TTC6: variants seen among roughly 807,000 people sequenced by gnomAD.
TTC6 encodes the protein tetratricopeptide repeat protein 6.
A neutral mutation model predicts 210.4 loss-of-function variants in TTC6; 172 were observed. The ratio of observed to expected loss-of-function variants is 0.82; its 90% CI spans 0.72 to 0.93. The LOEUF is 0.93. Ranked by LOEUF, TTC6 falls within the 40% of genes least tolerant of loss-of-function variation. The pLI is 0.00. For synonymous variants in TTC6, 804 were observed against 819.6 expected, an observed-to-expected ratio of 0.98 and a Z score of 0.32; for missense variants, 2,414 against 2,318.1, an observed-to-expected ratio of 1.04 and a Z score of -0.85.
intron 1 of TTC6, among the ~76,000 whole-genome samples, chr14:37,648,516 T>A (rs1176442506): frequency 6.6e-6 from 1 of 152,190 alleles, no homozygotes; most frequent in Non-Finnish European, 1.5e-5. Flanking sequence ...TCTTTTTTTT[T>A]CTTCTACTGC....
intron 1 of TTC6, among the ~76,000 whole-genome samples, chr14:37,661,657 T>C (rs892437318): frequency 1.6e-4 from 25 of 152,208 alleles, no homozygotes; most frequent in Middle Eastern, 3.2e-3. Context: ...ATATGGGCTC[T>C]TTTTTGGTTC....
chr14:37,679,882 G>A (rs1346577366), intron 1 of TTC6, among the ~76,000 whole-genome samples: 2 of 151,876 alleles, frequency 1.3e-5, no homozygotes, highest in African/African-American at 2.4e-5. Flanking sequence ...TAGAGTTGGG[G>A]TTTCACTATG....
At chr14:37,615,859 G>C (rs2139271086) in intron 2 of TTC6, among the ~76,000 whole-genome samples, 2 of 152,292 alleles carry the variant, frequency 1.3e-5, no homozygotes, top group South Asian at 4.1e-4. Context: ...CTCAACACCT[G>C]AGTCATTTCT....
chr14:37,610,241 G>A (rs968144829), intron 2 of TTC6, among the ~76,000 whole-genome samples: 3 of 152,188 alleles, frequency 2.0e-5, no homozygotes, highest in African/African-American at 7.2e-5. Flanking sequence ...CCCGCTCTAG[G>A]GAACTGTGGA....
At chr14:37,802,375 A>G (rs777890486) in intron 20 of TTC6, 2 of 152,068 alleles carry the variant, frequency 1.3e-5, no homozygotes, top group Non-Finnish European at 2.9e-5. Flanking sequence ...TATCCTGCAT[A>G]TGTACCCTGG....
intron 1 of TTC6, among the ~76,000 whole-genome samples, chr14:37,634,667 C>T (rs576736398): frequency 6.6e-5 from 10 of 152,220 alleles, no homozygotes; most frequent in South Asian, 2.1e-4. Context: ...GAAATCCACA[C>T]TAAAATCCAT....
intron 18 of TTC6, among the ~76,000 whole-genome samples, chr14:37,795,696 A>T (rs1033287251): frequency 1.2e-4 from 19 of 152,272 alleles, no homozygotes; most frequent in Admixed American, 9.8e-4. Context: ...CCACAATCAA[A>T]CATAAGCATG....
chr14:37,631,914 T>C (rs576272953), intron 1 of TTC6, among the ~76,000 whole-genome samples: 42 of 152,324 alleles, frequency 2.8e-4, no homozygotes, highest in Non-Finnish European at 5.1e-4. Flanking sequence ...TGGGTATTGA[T>C]ACTTGTTTAT....
chr14:37,694,871 A>G (rs1490745367), intron 3 of TTC6, among the ~76,000 whole-genome samples: 1 of 151,850 alleles, frequency 6.6e-6, no homozygotes, highest in Non-Finnish European at 1.5e-5. Flanking sequence ...GCAAAACTCC[A>G]TCACTACAAA....
chr14:37,635,043 A>AAAC (rs1382252741), intron 1 of TTC6, among the ~76,000 whole-genome samples: 1 of 152,204 alleles, frequency 6.6e-6, no homozygotes, highest in Non-Finnish European at 1.5e-5. Context: ...ATAATAAACA[A>AAAC]AACTATGGCT....
chr14:37,814,852 A>G (rs1240659098), intron 25 of TTC6, among the ~76,000 whole-genome samples: 1 of 152,192 alleles, frequency 6.6e-6, no homozygotes, highest in Admixed American at 6.5e-5. Flanking sequence ...AAGAGAAAGC[A>G]GAATCTTTAA....
At chr14:37,610,924 G>A (rs2095633208) in intron 2 of TTC6, among the ~76,000 whole-genome samples, 2 of 152,164 alleles carry the variant, frequency 1.3e-5, no homozygotes, top group South Asian at 2.1e-4. Context: ...TTTAAGTCTC[G>A]GGGTCCAGCA....
intron 14 of TTC6, among the ~76,000 whole-genome samples, chr14:37,753,642 C>T (rs1413678313): frequency 6.6e-6 from 1 of 152,130 alleles, no homozygotes; most frequent in African/African-American, 2.4e-5. Flanking sequence ...AGTCATGGCT[C>T]ACTGCAGCCT....
chr14:37,655,893 G>A (rs1291298516), intron 1 of TTC6, among the ~76,000 whole-genome samples: 1 of 144,520 alleles, frequency 6.9e-6, no homozygotes, highest in Non-Finnish European at 1.5e-5. Flanking sequence ...TTTTTAATTT[G>A]TAAAGTTGGA....
intron 1 of TTC6, among the ~76,000 whole-genome samples, chr14:37,650,388 GCAGT>G (rs1439555576): frequency 6.6e-6 from 1 of 152,066 alleles, no homozygotes; most frequent in African/African-American, 2.4e-5. Context: ...GCTCTGTTTT[GCAGT>G]CAGTATTTCA....
intron 1 of TTC6, among the ~76,000 whole-genome samples, chr14:37,644,082 G>T (rs184284970): frequency 2.6e-5 from 4 of 152,078 alleles, no homozygotes; most frequent in Admixed American, 2.0e-4. Context: ...ATCAGCTGTC[G>T]CTAGGACAAA....
chr14:37,811,765 C>T (rs1323373363), intron 24 of TTC6, among the ~76,000 whole-genome samples: 2 of 152,144 alleles, frequency 1.3e-5, no homozygotes, highest in South Asian at 2.1e-4. Context: ...TTTGAGATAG[C>T]TTTCCTACAA....
chr14:37,829,241 T>C (rs1279641609), intron 29 of TTC6, among the ~76,000 whole-genome samples: 1 of 152,058 alleles, frequency 6.6e-6, no homozygotes, highest in Non-Finnish European at 1.5e-5. Context: ...TTTCTTTTAA[T>C]AGGCAAGTTA....
intron 7 of TTC6, among the ~76,000 whole-genome samples, chr14:37,730,725 T>C (rs1022783902): frequency 1.1e-4 from 17 of 152,224 alleles, no homozygotes; most frequent in African/African-American, 4.1e-4. Context: ...CATTCCAATT[T>C]GATGTGGCAT....
Sources: allele counts gnomAD v4.1 joint callset (sites outside exome capture counted in the v4.1 genomes callset), GRCh38; gene constraint gnomAD v4.1.1; transcripts MANE v1.5; gene names NCBI Gene and HGNC (gene_info 2026-07-23, HGNC 2026-07-21).